CCNB3: variants seen among roughly 807,000 people sequenced by gnomAD.
CCNB3 encodes G2/mitotic-specific cyclin-B3.
In CCNB3, 12 loss-of-function variants were observed where a neutral mutation model predicts 68.0. The observed-to-expected ratio is 0.18, with a 90% CI of 0.11 to 0.29. The LOEUF (loss-of-function observed/expected upper bound fraction) is 0.29, where lower values mean the gene tolerates loss of function less well. Ranked by LOEUF, CCNB3 falls within the 10% of genes least tolerant of loss-of-function variation. The pLI is 1.00. For synonymous variants in CCNB3, 354 were observed against 388.9 expected (o/e 0.91, Z 1.06); for missense variants, 904 against 993.1 (o/e 0.91, Z 1.21).
intron 1 of CCNB3, among the ~76,000 whole-genome samples, chrX:50,223,715 G>C (rs1935710023): frequency 8.9e-6 from 1 of 112,516 alleles, no homozygotes; most frequent in Non-Finnish European, 1.9e-5. Flanking sequence ...CCTGCTGGGA[G>C]GTGTCTCCCA....
intron 5 of CCNB3, among the ~76,000 whole-genome samples, chrX:50,299,639 T>TCTA (rs1557211942): frequency 9.0e-6 from 1 of 111,383 alleles, no homozygotes; most frequent in African/African-American, 3.3e-5. Context: ...TCTGTAGATG[T>TCTA]CTACTAGATC....
upstream of CCNB3, among the ~76,000 whole-genome samples, chrX:50,204,085 A>C (rs1557205119): frequency 3.6e-5 from 4 of 111,908 alleles, no homozygotes; most frequent in Non-Finnish European, 7.5e-5. Flanking sequence ...AAGGTTATCT[A>C]TCTCTTTTTC....
chrX:50,317,543 T>TATGTATGTATGTATG (rs1557215939), intron 8 of CCNB3, among the ~76,000 whole-genome samples: 21 of 99,682 alleles, frequency 2.1e-4, no homozygotes, highest in South Asian at 1.5e-3. Context: ...GTATTTAAAT[T>TATGTATGTATGTATG]TATGTATGTA....
intron 8 of CCNB3, among the ~76,000 whole-genome samples, chrX:50,335,659 T>G (rs1265312333): frequency 1.8e-5 from 2 of 111,903 alleles, no homozygotes; most frequent in Admixed American, 1.9e-4. Flanking sequence ...AGGATTATCA[T>G]CCGCCCATAT....
chrX:50,285,963 T>A (rs897433649), intron 3 of CCNB3, among the ~76,000 whole-genome samples: 1 of 112,203 alleles, frequency 8.9e-6, no homozygotes, highest in African/African-American at 3.2e-5. Context: ...TTGATCAGAT[T>A]TTTGTCAACA....
intron 1 of CCNB3, among the ~76,000 whole-genome samples, chrX:50,206,909 C>G (rs1935377336): frequency 9.0e-6 from 1 of 111,499 alleles, no homozygotes; most frequent in Non-Finnish European, 1.9e-5. Context: ...GCCTCTTGCT[C>G]TCAAGTCAGG....
At chrX:50,315,856 A>G (rs1921701554) in intron 8 of CCNB3, among the ~76,000 whole-genome samples, 1 of 111,722 alleles carries the variant, frequency 9.0e-6, no homozygotes, top group African/African-American at 3.3e-5. Flanking sequence ...AAATGGAATC[A>G]TACAGTGTAT....
intron 1 of CCNB3, among the ~76,000 whole-genome samples, chrX:50,216,515 G>T (rs1190491077): frequency 4.5e-5 from 5 of 110,764 alleles, no homozygotes; most frequent in South Asian, 3.9e-4. Flanking sequence ...TGATCCGCTC[G>T]CCTCGGCCTC....
At chrX:50,347,486 G>A in intron 10 of CCNB3, 140 bp from the exon 11 acceptor site, 1 of 516,733 alleles carries the variant, frequency 1.9e-6, no homozygotes. Flanking sequence ...AAGATGAAGT[G>A]AGTTACGGTT....
At position 50,309,006 on chromosome X, in the gene CCNB3, C is replaced by T. The variant is rs781878170; in HGVS notation, c.837C>T (p.Pro279=). The change falls in exon 6 of 13, where the codon CCC becomes CCT. Residue 279 remains proline, a synonymous_variant. Coordinates refer to ENST00000376042, the MANE Select transcript of CCNB3 (RefSeq NM_033031.3). Reference sequence around the variant, plus strand: ...AGCCTAAAACTGAGGAGTCAATCCCCACCCATAAGTTATCATCTTTAAAGA... The same window carrying T: ...AGCCTAAAACTGAGGAGTCAATCCCTACCCATAAGTTATCATCTTTAAAGA... The part of the protein sequence containing the change: ...KKKPKTEESI[P]THKLSSLKKK... 1.9e-5 allele frequency: 23 copies of T among 1,210,698 alleles called. No homozygotes were observed. The South Asian group carries it at 3.9e-4, about 20-fold the overall frequency.
chrX:50,282,245 G>T (rs1414341612), intron 1 of CCNB3, among the ~76,000 whole-genome samples: 2 of 111,303 alleles, frequency 1.8e-5, no homozygotes, highest in Non-Finnish European at 3.8e-5. Flanking sequence ...AAAGGGACTT[G>T]CCCAGTGTCA....
intron 1 of CCNB3, among the ~76,000 whole-genome samples, chrX:50,227,821 GAATATATAAA>G (rs1435763271): frequency 1.3e-5 from 1 of 77,540 alleles, no homozygotes; most frequent in Non-Finnish European, 2.3e-5. Context: ...AATATATAGA[GAATATATAAA>G]TATATATAGA....
At chrX:50,341,657 A>G (rs1395525143) in intron 8 of CCNB3, 2 of 110,887 alleles carry the variant, frequency 1.8e-5, no homozygotes, top group East Asian at 5.6e-4. Flanking sequence ...TCAGAAAAGA[A>G]AAAGAAGGGA....
intron 1 of CCNB3, among the ~76,000 whole-genome samples, chrX:50,280,048 T>C (rs1327028749): frequency 1.3e-5 from 1 of 77,801 alleles, no homozygotes; most frequent in African/African-American, 5.3e-5. Flanking sequence ...AGACAGAATA[T>C]ATATAAATAT....
At chrX:50,303,116 C>T (rs930831555) in intron 5 of CCNB3, among the ~76,000 whole-genome samples, 2 of 110,389 alleles carry the variant, frequency 1.8e-5, no homozygotes, top group African/African-American at 6.6e-5. Flanking sequence ...AATGGTATAG[C>T]CACTGTGGAA....
chrX:50,298,953 G>A (rs782631260), intron 5 of CCNB3, among the ~76,000 whole-genome samples: 1 of 111,944 alleles, frequency 8.9e-6, no homozygotes, highest in Non-Finnish European at 1.9e-5. Flanking sequence ...ATGGTAGTTT[G>A]TATTTCTGTG....
intron 8 of CCNB3, among the ~76,000 whole-genome samples, chrX:50,339,388 A>C (rs1292162023): frequency 8.9e-6 from 1 of 112,702 alleles, no homozygotes; most frequent in Non-Finnish European, 1.9e-5. Context: ...GGAACCGATC[A>C]GATATGCATT....
chrX:50,222,676 C>T (rs1166397491), intron 1 of CCNB3, among the ~76,000 whole-genome samples: 1 of 111,328 alleles, frequency 9.0e-6, no homozygotes, highest in African/African-American at 3.3e-5. Context: ...GTAACCCGAC[C>T]TTTCTCTGGC....
intron 8 of CCNB3, among the ~76,000 whole-genome samples, chrX:50,325,903 GTTTT>G (rs1363024216): frequency 9.3e-6 from 1 of 107,065 alleles, no homozygotes; most frequent in Admixed American, 1.0e-4. Context: ...CTTTTTTAAA[GTTTT>G]TTTTTTATTA....
Sources: gnomAD v4.1 joint callset for allele counts (sites outside exome capture counted in the v4.1 genomes callset) on GRCh38, gnomAD v4.1.1 for gene constraint, MANE v1.5 for transcripts, NCBI Gene and HGNC (gene_info 2026-07-23, HGNC 2026-07-21) for gene names.